PRKCH: variants seen among roughly 807,000 people sequenced by gnomAD.
PRKCH encodes protein kinase C eta, also known as protein kinase C eta type.
In PRKCH, 28 loss-of-function variants were observed where a neutral mutation model predicts 82.5. The observed-to-expected ratio is 0.34, with a 90% CI of 0.25 to 0.47. The LOEUF is 0.47. Among genes scored for constraint, PRKCH ranks in the 20% least tolerant of loss-of-function variants. PRKCH has a pLI of 1.00. For synonymous variants in PRKCH, 322 were observed against 327.4 expected (o/e 0.98, Z 0.18); for missense variants, 705 against 881.8 (o/e 0.80, Z 2.54).
intron 1 of PRKCH, among the ~76,000 whole-genome samples, chr14:61,188,462 G>A (rs991348308): frequency 2.2e-5 from 3 of 137,788 alleles, no homozygotes; most frequent in Admixed American, 7.7e-5. Flanking sequence ...CCCAGGCAGC[G>A]GCTCGGGCAG....
At chr14:61,448,939 A>T (rs1355683470) in intron 4 of PRKCH, among the ~76,000 whole-genome samples, 2 of 152,104 alleles carry the variant, frequency 1.3e-5, no homozygotes, top group African/African-American at 2.4e-5. Context: ...AAAGTCAGGA[A>T]GGAAGAAATA....
chr14:61,529,177 C>T lies in PRKCH; in HGVS notation c.1536C>T (p.Ala512=). 1 of 1,613,906 alleles carries T rather than the reference C, an allele frequency of 6.2e-7. No individual in the cohort carries two copies. The highest frequency in any genetic ancestry group is 8.5e-7 in the Non-Finnish European group (1 of 1,179,908). ...GGATTTGCAATGGTGTCACCACGGCCACATTCTGTGGCACGCCAGACTATA... is the reference window on the plus strand; with the variant it reads ...GGATTTGCAATGGTGTCACCACGGCTACATTCTGTGGCACGCCAGACTATA... ...KEGICNGVTT[A]TFCGTPDYIA... is the part of the protein sequence containing the mutation. The change falls in exon 11 of 14, where the codon GCC becomes GCT. Residue 512 remains alanine, a synonymous_variant. Coordinates refer to ENST00000332981, the MANE Select transcript of PRKCH (RefSeq NM_006255.5).
chr14:61,437,083 G>A (rs1883714709), intron 2 of PRKCH, among the ~76,000 whole-genome samples: 1 of 152,174 alleles, frequency 6.6e-6, no homozygotes, highest in South Asian at 2.1e-4. Context: ...CCATTTAAAT[G>A]TTTACATTTT....
chr14:61,455,676 C>T (rs117634166), intron 7 of PRKCH, among the ~76,000 whole-genome samples: 6 of 152,294 alleles, frequency 3.9e-5, no homozygotes, highest in Non-Finnish European at 5.9e-5. Flanking sequence ...TCATGCAGCA[C>T]GATCTTTAGG....
At chr14:61,195,556 A>C (rs574921186) in intron 1 of PRKCH, among the ~76,000 whole-genome samples, 88 of 152,372 alleles carry the variant, frequency 5.8e-4, no homozygotes, top group African/African-American at 1.9e-3. Flanking sequence ...AAATGGTTAC[A>C]TTAAATGTGA....
chr14:61,227,067 G>A (rs1252511089), intron 1 of PRKCH, among the ~76,000 whole-genome samples: 1 of 152,192 alleles, frequency 6.6e-6, no homozygotes, highest in Admixed American at 6.5e-5. Context: ...ACTTTGCAAG[G>A]CCCGGAGAGA....
chr14:61,455,393 G>C (rs555863520), intron 7 of PRKCH, among the ~76,000 whole-genome samples: 2 of 152,056 alleles, frequency 1.3e-5, no homozygotes, highest in Non-Finnish European at 2.9e-5. Context: ...CCTTATATTA[G>C]ATCATACTAA....
At chr14:61,373,163 G>A (rs1449116417) in intron 1 of PRKCH, among the ~76,000 whole-genome samples, 1 of 151,942 alleles carries the variant, frequency 6.6e-6, no homozygotes, top group Non-Finnish European at 1.5e-5. Context: ...GTATTAGTCT[G>A]TTCTCACACT....
At chr14:61,428,042 T>TAGATAG (rs1555386067) in intron 2 of PRKCH, among the ~76,000 whole-genome samples, 9,176 of 121,674 alleles carry the variant, frequency 0.075, 440 homozygotes, top group Middle Eastern at 0.14. Flanking sequence ...AATATATATA[T>TAGATAG]ATAGATAGAT....
chr14:61,294,952 A>G (rs1326159989), intron 1 of PRKCH, among the ~76,000 whole-genome samples: 4 of 152,120 alleles, frequency 2.6e-5, no homozygotes, highest in African/African-American at 7.2e-5. Context: ...GGCTCACTGC[A>G]ACCTGCACCT....
intron 1 of PRKCH, among the ~76,000 whole-genome samples, chr14:61,285,410 T>C (rs1436817857): frequency 6.6e-6 from 1 of 152,220 alleles, no homozygotes; most frequent in East Asian, 1.9e-4. Context: ...TGAAAGTTCC[T>C]TAGGATATAA....
chr14:61,526,885 C>T (rs2042972307), intron 10 of PRKCH, among the ~76,000 whole-genome samples: 1 of 152,242 alleles, frequency 6.6e-6, no homozygotes, highest in Admixed American at 6.5e-5. Context: ...GACCTGCAGC[C>T]TCCTTGTCAC....
Position 61,443,151 on chromosome 14 carries a change from G to A in PRKCH, c.468G>A (p.Arg156=). The change falls in exon 3 of 14, where the codon AGG becomes AGA. Residue 156 remains arginine (R), a synonymous_variant. Coordinates refer to ENST00000332981, the MANE Select transcript of PRKCH (RefSeq NM_006255.5). ...ACCGGATCTTCAAACATTTTACCAG[G>A]AAGCGCCAAAGGGCTATGCGAAGGC... ...QRDRIFKHFT[R]KRQRAMRRRV... 1 of 1,613,932 alleles carries A rather than the reference G, an allele frequency of 6.2e-7. No individual in the cohort carries two copies. The highest frequency in any genetic ancestry group is 8.5e-7 in the Non-Finnish European group (1 of 1,179,902).
At chr14:61,241,353 A>G (rs1320756635) in intron 1 of PRKCH, among the ~76,000 whole-genome samples, 2 of 152,200 alleles carry the variant, frequency 1.3e-5, no homozygotes, top group South Asian at 2.1e-4. Flanking sequence ...GCCTCATTAC[A>G]TAGGCATGAT....
At chr14:61,193,664 T>C (rs762016380) in intron 1 of PRKCH, among the ~76,000 whole-genome samples, 12 of 152,214 alleles carry the variant, frequency 7.9e-5, no homozygotes, top group African/African-American at 1.4e-4. Flanking sequence ...TTGGCTCTTA[T>C]TGACCATGAC....
chr14:61,504,104 C>T (rs1887034787), intron 10 of PRKCH, among the ~76,000 whole-genome samples: 1 of 152,130 alleles, frequency 6.6e-6, no homozygotes, highest in African/African-American at 2.4e-5. Flanking sequence ...GGTCAGACCC[C>T]ATGTCATCAT....
At chr14:61,371,168 C>T (rs568408249) in intron 1 of PRKCH, among the ~76,000 whole-genome samples, 1 of 152,112 alleles carries the variant, frequency 6.6e-6, no homozygotes, top group East Asian at 1.9e-4. Flanking sequence ...CTTGAATAAA[C>T]ATTTTAGAAC....
chr14:61,360,909 G>A (rs780629092), intron 1 of PRKCH, among the ~76,000 whole-genome samples: 19 of 152,230 alleles, frequency 1.2e-4, no homozygotes, highest in African/African-American at 3.4e-4. Context: ...TGGAAGGATC[G>A]TTCAGGTCAG....
At chr14:61,266,307 A>G (rs910758236) in intron 1 of PRKCH, among the ~76,000 whole-genome samples, 20 of 151,658 alleles carry the variant, frequency 1.3e-4, no homozygotes, top group Middle Eastern at 3.4e-3. Flanking sequence ...AATTCCAGCT[A>G]CTCGGGAGGC....
Sources: allele counts gnomAD v4.1 joint callset (sites outside exome capture counted in the v4.1 genomes callset), GRCh38; gene constraint gnomAD v4.1.1; transcripts MANE v1.5; gene names NCBI Gene and HGNC (gene_info 2026-07-23, HGNC 2026-07-21).